GRIK2: variants seen among roughly 807,000 people sequenced by gnomAD.
The protein encoded by GRIK2 is glutamate receptor ionotropic, kainate 2.
Under a neutral mutation model 100.3 loss-of-function variants are expected in GRIK2, and 32 were observed. The ratio of observed to expected loss-of-function variants is 0.32; its 90% confidence interval spans 0.24 to 0.43. The LOEUF is 0.43. GRIK2 is among the 20% of genes least tolerant of loss of function. The pLI is 1.00. For missense variants in GRIK2, 843 were observed against 1,114.9 expected (o/e 0.76, Z 3.47); for synonymous variants, 417 against 389.4 (o/e 1.07, Z -0.83).
intron 2 of GRIK2, among the ~76,000 whole-genome samples, chr6:101,614,854 G>A (rs1445511042): frequency 6.6e-6 from 1 of 151,758 alleles, no homozygotes; most frequent in Non-Finnish European, 1.5e-5. Flanking sequence ...GAGGTTAGAT[G>A]TGACGTTGGT....
chr6:101,569,908 A>G (rs1777452872), intron 2 of GRIK2, among the ~76,000 whole-genome samples: 1 of 152,136 alleles, frequency 6.6e-6, no homozygotes, highest in Admixed American at 6.6e-5. Context: ...GCCTTCTTAA[A>G]TAAATAGTAC....
intron 2 of GRIK2, among the ~76,000 whole-genome samples, chr6:101,436,310 G>A (rs928281303): frequency 5.3e-5 from 8 of 151,854 alleles, no homozygotes; most frequent in Admixed American, 4.6e-4. Flanking sequence ...CCTACAATAT[G>A]TTTTTTGAGT....
At chr6:101,447,928 A>G (rs940704538) in intron 2 of GRIK2, among the ~76,000 whole-genome samples, 1 of 151,654 alleles carries the variant, frequency 6.6e-6, no homozygotes, top group Non-Finnish European at 1.5e-5. Context: ...CATTGTCCCA[A>G]TTACAAATGT....
At chr6:101,564,953 T>A (rs1777183788) in intron 2 of GRIK2, among the ~76,000 whole-genome samples, 1 of 152,068 alleles carries the variant, frequency 6.6e-6, no homozygotes, top group African/African-American at 2.4e-5. Context: ...TCTCTCTCCC[T>A]CCTGCAATAG....
chr6:102,054,863 T>C (rs1419682220), intron 15 of GRIK2, among the ~76,000 whole-genome samples: 1 of 152,166 alleles, frequency 6.6e-6, no homozygotes, highest in Non-Finnish European at 1.5e-5. Context: ...TACCATTGAA[T>C]ACAGCTTATT....
At chr6:101,945,963 AT>A (rs1791249797) in intron 14 of GRIK2, among the ~76,000 whole-genome samples, 1 of 150,540 alleles carries the variant, frequency 6.6e-6, no homozygotes, top group Non-Finnish European at 1.5e-5. Flanking sequence ...TTGTAAGTAA[AT>A]TAATCAATAT....
At chr6:101,614,292 C>G (rs1249432327) in intron 2 of GRIK2, among the ~76,000 whole-genome samples, 1 of 151,620 alleles carries the variant, frequency 6.6e-6, no homozygotes, top group South Asian at 2.1e-4. Context: ...ATTTTCTTTT[C>G]CCCCCAAACT....
In GRIK2 at chr6:101,929,235, G is replaced by C. The variant is rs560653566; in HGVS notation, c.2085+603G>C. 2.6e-5 allele frequency among the ~76,000 whole-genome samples: 4 copies of C among 152,206 alleles called. No homozygotes were observed. In the East Asian group the frequency reaches 5.8e-4, roughly 22 times the overall value. On this transcript the variant is annotated intron_variant, in intron 14 of 16. Transcript: ENST00000369134. Reference sequence around the variant, plus strand: ...GCTTGTAAAAAGTTTCTGTCATATAGAGTGCCTTGCCCTCGTCTATTTTTT... The same window carrying C: ...GCTTGTAAAAAGTTTCTGTCATATACAGTGCCTTGCCCTCGTCTATTTTTT...
intron 4 of GRIK2, among the ~76,000 whole-genome samples, chr6:101,676,390 A>T (rs1217968468): frequency 3.3e-5 from 5 of 152,100 alleles, no homozygotes; most frequent in Admixed American, 2.0e-4. Context: ...TTGTTTTGAA[A>T]CAGGAATTTC....
At chr6:102,001,285 C>T (rs976559889) in intron 14 of GRIK2, among the ~76,000 whole-genome samples, 3 of 151,472 alleles carry the variant, frequency 2.0e-5, no homozygotes, top group Admixed American at 6.6e-5. Context: ...GTTTGCTGAA[C>T]CTATCAACCT....
chr6:101,715,261 C>A (rs1336883348), intron 7 of GRIK2, among the ~76,000 whole-genome samples: 1 of 151,650 alleles, frequency 6.6e-6, no homozygotes, highest in Non-Finnish European at 1.5e-5. Context: ...GCTATGACCC[C>A]ACATAAACAG....
intron 2 of GRIK2, among the ~76,000 whole-genome samples, chr6:101,421,573 G>A (rs1776412311): frequency 6.6e-6 from 1 of 152,154 alleles, no homozygotes; most frequent in Non-Finnish European, 1.5e-5. Flanking sequence ...CAGTCCTGAA[G>A]GGTTAAAGAA....
At chr6:101,518,062 A>C (rs1030165296) in intron 2 of GRIK2, among the ~76,000 whole-genome samples, 1 of 151,832 alleles carries the variant, frequency 6.6e-6, no homozygotes, top group African/African-American at 2.4e-5. Context: ...AATAACTTTT[A>C]TCTCTCACAA....
chr6:101,622,127 G>T lies in GRIK2; in HGVS notation c.283+11G>T, dbSNP rs1053309155. ...AAGCATCCAAGAAAGGTAATTGATA[G>T]ATTTTTAACATCTTTGTTTCCTGGA... On this transcript the variant is annotated intron_variant, in intron 3 of 16. Coordinates refer to ENST00000369134, the MANE Select transcript of GRIK2 (RefSeq NM_021956.5). 2.7e-6 allele frequency: 4 copies of T among 1,499,024 alleles called. No individual in the cohort carries two copies. The African/African-American group carries it at 4.2e-5, about 16-fold the overall frequency. The allele number at this position is 1,499,024 out of a possible 1,614,324, so 92.9% of individuals were successfully genotyped here. A position where few individuals can be genotyped will look rare whatever the true frequency, so the allele number is the denominator to read the frequency against.
At chr6:101,521,577 T>G (rs1774885451) in intron 2 of GRIK2, among the ~76,000 whole-genome samples, 1 of 152,052 alleles carries the variant, frequency 6.6e-6, no homozygotes, top group African/African-American at 2.4e-5. Flanking sequence ...ATTTAAAAAT[T>G]TGTAAAACAT....
chr6:101,466,594 T>TA (rs3057462), intron 2 of GRIK2, among the ~76,000 whole-genome samples: 159 of 142,810 alleles, frequency 1.1e-3, no homozygotes, highest in South Asian at 3.0e-3. Context: ...TGCTTTTTTC[T>TA]AAAAAAAAAA....
At chr6:101,396,123 A>G (rs77863218) in intron 1 of GRIK2, among the ~76,000 whole-genome samples, 1,863 of 152,178 alleles carry the variant, frequency 0.012, 54 homozygotes, top group African/African-American at 0.042. Flanking sequence ...CCTCAGAACT[A>G]TGATGTGTGG....
chr6:101,449,634 T>C (rs1161936503), intron 2 of GRIK2, among the ~76,000 whole-genome samples: 1 of 151,736 alleles, frequency 6.6e-6, no homozygotes, highest in African/African-American at 2.4e-5. Context: ...GATAATAAAC[T>C]GGTGGAATTT....
At chr6:101,429,168 G>A (rs1189789169) in intron 2 of GRIK2, among the ~76,000 whole-genome samples, 4 of 151,976 alleles carry the variant, frequency 2.6e-5, no homozygotes, top group East Asian at 3.9e-4. Flanking sequence ...GAACTGAACC[G>A]GATCTTCAGT....
Sources: gnomAD v4.1 joint callset for allele counts (sites outside exome capture counted in the v4.1 genomes callset) on GRCh38, gnomAD v4.1.1 for gene constraint, MANE v1.5 for transcripts, NCBI Gene and HGNC (gene_info 2026-07-23, HGNC 2026-07-21) for gene names.